SNAP91: variants seen among roughly 807,000 people sequenced by gnomAD.
SNAP91 encodes clathrin coat assembly protein AP180.
Under a neutral mutation model 100.3 loss-of-function variants are expected in SNAP91, and 27 were observed. That is an observed-to-expected ratio of 0.27 (90% CI 0.20 to 0.37). The LOEUF (loss-of-function observed/expected upper bound fraction) is 0.37, where lower values mean the gene tolerates loss of function less well. Among genes scored for constraint, SNAP91 ranks in the 10% least tolerant of loss-of-function variants. The pLI is 1.00. For missense variants in SNAP91, 986 were observed against 1,123.7 expected, an observed-to-expected ratio of 0.88 and a Z score of 1.75; for synonymous variants, 404 against 398.6, an observed-to-expected ratio of 1.01 and a Z score of -0.16.
intron 2 of SNAP91, among the ~76,000 whole-genome samples, chr6:83,707,120 A>G (rs2099391400): frequency 2.0e-5 from 3 of 152,222 alleles, no homozygotes. Context: ...TTGTGACCAT[A>G]GCATAGTCAT....
chr6:83,641,239 T>A lies in SNAP91; in HGVS notation c.659-37A>T, dbSNP rs1340531025. On this transcript the variant is annotated intron_variant, in intron 7 of 29. Coordinates refer to ENST00000369694, the MANE Select transcript of SNAP91 (RefSeq NM_001242792.2). ...AAAGAGATAAGCAATTTGAAAAGAG[T>A]ATTATGTTCTATTTTTTTCTAAGCT... The A allele has an allele frequency of 1.1e-5, 10 of 902,218 alleles. No homozygotes were observed. The East Asian group carries it at 2.7e-4, about 24-fold the overall frequency. The allele number at this position is 902,218 out of a possible 1,614,324, so 55.9% of individuals were successfully genotyped here.
intron 26 of SNAP91, among the ~76,000 whole-genome samples, chr6:83,563,618 T>A (rs898648238): frequency 5.9e-5 from 9 of 152,126 alleles, no homozygotes; most frequent in Non-Finnish European, 7.4e-5. Flanking sequence ...AAAGAATCCA[T>A]ATACAACAAA....
In SNAP91 at chr6:83,592,310, A is replaced by G. The variant is rs75087766; in HGVS notation, c.1930+145T>C. On this transcript the variant is annotated intron_variant, in intron 21 of 29. Coordinates refer to ENST00000369694, the MANE Select transcript of SNAP91 (RefSeq NM_001242792.2). ...AGATGATGATGACGAAGAAATGAAA[A>G]TGATCTTAAAAACTTAAGTTTACAT... 7.6e-3 allele frequency: 3,964 copies of G among 520,456 alleles called. 123 individuals carry two copies. Among genetic ancestry groups the G allele is most frequent in the African/African-American group, 0.066 (3,472 of 52,618 alleles). 32.2% of individuals were successfully genotyped at this position (520,456 alleles called of 1,614,324 possible). A position where few individuals can be genotyped will look rare whatever the true frequency, so the allele number is the denominator to read the frequency against.
At chr6:83,591,335 T>TA (rs757160925) in intron 21 of SNAP91, 41 bp from the exon 22 acceptor site, 1 of 1,347,616 alleles carries the variant, frequency 7.4e-7, no homozygotes. Flanking sequence ...TAAGAAAGTG[T>TA]AAAAAGTAAG....
Position 83,623,325 on chromosome 6 carries a change from T to G in SNAP91, c.783A>C (p.Lys261Asn). The stretch of plus-strand genomic sequence containing the variant: ...CCTGTGTGAGGTCAGGAATGTCACC[T>G]TTATCAATACCAACTTGCTGTGGAT... ...LKVAEQVGID[K>N]GDIPDLTQAP... The change falls in exon 9 of 30, where the codon AAA becomes AAC. Residue 261 changes from lysine to asparagine, a missense_variant. By Grantham distance (94) the Lys-to-Asn change is moderately conservative. Transcript: ENST00000369694. 2 of 1,607,780 alleles carry G rather than the reference T, an allele frequency of 1.2e-6. No individual in the cohort carries two copies. The highest frequency in any genetic ancestry group is 1.7e-6 in the Non-Finnish European group (2 of 1,176,226).
At position 83,605,714 on chromosome 6, in the gene SNAP91, G is replaced by T; in HGVS notation, c.1112C>A (p.Pro371Gln). 1 of 1,552,248 alleles carries T rather than the reference G, an allele frequency of 6.4e-7. No individual in the cohort carries two copies. Among genetic ancestry groups the T allele is most frequent in the East Asian group, 2.4e-5 (1 of 40,972 alleles). Residue 371 changes from proline to glutamine, a missense_variant, in exon 14 of 30, where the codon CCA (proline) becomes CAA (glutamine). Pro to Gln is a moderately conservative substitution (Grantham distance 76, BLOSUM62 -1). Around this residue, in one of 4 missense-constraint regions of SNAP91, gnomAD observed 575 missense variants for 579.9 expected, o/e 0.99. Coordinates refer to ENST00000369694, the MANE Select transcript of SNAP91 (RefSeq NM_001242792.2). ...AAAAAAPAPP[P>Q]PAGGATAWGD... Reference sequence around the variant, plus strand: ...CCATGCAGTGGCTCCTCCAGCAGGTGGTGGTGGTGCTGGTGCTGCGGCTGC... The same window carrying T: ...CCATGCAGTGGCTCCTCCAGCAGGTTGTGGTGGTGCTGGTGCTGCGGCTGC...
chr6:83,688,204 T>G (rs963583471), intron 2 of SNAP91, among the ~76,000 whole-genome samples: 4 of 152,214 alleles, frequency 2.6e-5, no homozygotes, highest in Non-Finnish European at 5.9e-5. Context: ...CAGGCTCTTA[T>G]TCTCACTTGA....
Position 83,697,864 on chromosome 6 carries a change from C to T in SNAP91, c.130+9934G>A, listed in dbSNP as rs142486388. Among the ~76,000 whole-genome samples the T allele has an allele frequency of 1.1e-4, 16 of 152,034 alleles. No homozygotes were observed. In the East Asian group the frequency reaches 2.5e-3, roughly 24 times the overall value. On this transcript the variant is annotated intron_variant, in intron 2 of 29. Transcript: ENST00000369694. Reference sequence around the variant, plus strand: ...TCATTCAATAAATATTTACCAAAACCTGCTATCATGCTATGTTTGGCGTGA... The same window carrying T: ...TCATTCAATAAATATTTACCAAAACTTGCTATCATGCTATGTTTGGCGTGA...
chr6:83,617,846 C>T (rs984008121), intron 9 of SNAP91, among the ~76,000 whole-genome samples: 14 of 151,792 alleles, frequency 9.2e-5, no homozygotes, highest in African/African-American at 3.4e-4. Flanking sequence ...TCATCTTTCT[C>T]AAATAGTTGT....
intron 5 of SNAP91, 41 bp from the exon 6 acceptor site, chr6:83,659,133 A>G: frequency 7.0e-7 from 1 of 1,436,406 alleles, no homozygotes; most frequent in Non-Finnish European, 9.5e-7. Flanking sequence ...TTCATTGGAT[A>G]TGGACAATTC....
chr6:83,560,005 G>A lies in SNAP91; in HGVS notation c.2631+99C>T. 6.2e-6 allele frequency: 6 copies of A among 971,864 alleles called. No individual in the cohort carries two copies. In the South Asian group the frequency reaches 6.8e-5, roughly 11 times the overall value. The allele number at this position is 971,864 out of a possible 1,614,324, so 60.2% of individuals were successfully genotyped here. On this transcript the variant is annotated intron_variant, in intron 28 of 29. Coordinates refer to ENST00000369694, the MANE Select transcript of SNAP91 (RefSeq NM_001242792.2). Reference sequence around the variant, plus strand: ...TTACTTCTGAAGCAACAGGTATGAGGATTACATTAGGTAAAAACACTTTTT... The same window carrying A: ...TTACTTCTGAAGCAACAGGTATGAGAATTACATTAGGTAAAAACACTTTTT...
intron 2 of SNAP91, among the ~76,000 whole-genome samples, chr6:83,687,578 T>C (rs2099076751): frequency 1.3e-5 from 2 of 152,218 alleles, no homozygotes; most frequent in South Asian, 4.1e-4. Flanking sequence ...AAGGCCATTA[T>C]AAACCCTTTG....
intron 8 of SNAP91, among the ~76,000 whole-genome samples, chr6:83,640,810 G>C (rs1250903974): frequency 6.6e-6 from 1 of 152,092 alleles, no homozygotes; most frequent in Admixed American, 6.6e-5. Context: ...TGGAATGGAG[G>C]AATGGACCAC....
chr6:83,699,044 G>A (rs1364118134), intron 2 of SNAP91, among the ~76,000 whole-genome samples: 1 of 152,066 alleles, frequency 6.6e-6, no homozygotes, highest in Non-Finnish European at 1.5e-5. Context: ...AAGCTCCAAG[G>A]GCATAATTCA....
chr6:83,707,451 A>G (rs1229117875), intron 2 of SNAP91, among the ~76,000 whole-genome samples: 1 of 150,070 alleles, frequency 6.7e-6, no homozygotes, highest in Non-Finnish European at 1.5e-5. Context: ...TGGAGAAGGG[A>G]GGGTGGGTGG....
rs563082851 is a variant in SNAP91, at chr6:83,693,534, T to C, written c.130+14264A>G. 6.6e-5 allele frequency among the ~76,000 whole-genome samples: 10 copies of C among 152,384 alleles called. No individual in the cohort carries two copies. In the South Asian group the frequency reaches 1.2e-3, roughly 19 times the overall value. ...TCAAAGAAAATTTCTTGGGTACTAATATGCTTTGCATTAGATATATTTTAA... is the reference window on the plus strand; with the variant it reads ...TCAAAGAAAATTTCTTGGGTACTAACATGCTTTGCATTAGATATATTTTAA... On this transcript the variant is annotated intron_variant, in intron 2 of 29. Transcript: ENST00000369694.
rs1297313796 is a variant in SNAP91 at position 83,582,035 on chromosome 6, T to C, written c.2149+187A>G. Among the ~76,000 whole-genome samples the C allele has an allele frequency of 2.6e-5, 4 of 152,136 alleles. No homozygotes were observed. The East Asian group carries it at 7.7e-4, about 29-fold the overall frequency. ...GAGAAAGGATTGCAGGTTATTCTTA[T>C]GGATACCAATGTGTACTATAAATTT... On this transcript the variant is annotated intron_variant, in intron 23 of 29. Coordinates refer to ENST00000369694, the MANE Select transcript of SNAP91 (RefSeq NM_001242792.2).
At chr6:83,636,307 G>A (rs1562450465) in intron 8 of SNAP91, among the ~76,000 whole-genome samples, 1 of 152,110 alleles carries the variant, frequency 6.6e-6, no homozygotes, top group Non-Finnish European at 1.5e-5. Context: ...CCAATGAATT[G>A]TAGGTTTGGT....
intron 2 of SNAP91, among the ~76,000 whole-genome samples, chr6:83,704,249 A>G (rs1233870326): frequency 6.6e-6 from 1 of 152,222 alleles, no homozygotes; most frequent in African/African-American, 2.4e-5. Context: ...GGAGGCGAGG[A>G]TGTACAGGTG....
Sources: gnomAD v4.1 joint callset for allele counts (sites outside exome capture counted in the v4.1 genomes callset) on GRCh38, gnomAD v4.1.1 for gene constraint, gnomAD v4.1.1 regional missense constraint, MANE v1.5 for transcripts, NCBI Gene and HGNC (gene_info 2026-07-23, HGNC 2026-07-21) for gene names.